The following CCDC73 variants were observed in gnomAD, a reference collection of about 807,000 sequenced individuals.
The protein encoded by CCDC73 is coiled-coil domain-containing protein 73.
In CCDC73, 95 loss-of-function variants were observed where a neutral mutation model predicts 116.5. The ratio of observed to expected loss-of-function variants is 0.82; its 90% CI spans 0.69 to 0.97. The LOEUF (loss-of-function observed/expected upper bound fraction) is 0.97. CCDC73 is among the 50% of genes least tolerant of loss of function. The pLI is 0.00. For synonymous variants in CCDC73, 398 were observed against 401.3 expected, an observed-to-expected ratio of 0.99 and a Z score of 0.10; for missense variants, 1,066 against 1,206.8, an observed-to-expected ratio of 0.88 and a Z score of 1.73.
At chr11:32,707,383 CTTTT>C (rs777844975) in intron 3 of CCDC73, among the ~76,000 whole-genome samples, 2 of 140,270 alleles carry the variant, frequency 1.4e-5, no homozygotes, top group African/African-American at 2.6e-5. Context: ...CTCGAAGTTA[CTTTT>C]TTTTTTTTTT....
intron 3 of CCDC73, among the ~76,000 whole-genome samples, chr11:32,705,161 C>T (rs563026583): frequency 2.6e-5 from 4 of 152,290 alleles, no homozygotes; most frequent in Admixed American, 6.5e-5. Context: ...GCCCAGGAGC[C>T]GCGGGCTGAA....
intron 2 of CCDC73, among the ~76,000 whole-genome samples, chr11:32,728,486 CTCCTGGTTCCTTTTACTAAGAG>C (rs1348679188): frequency 6.6e-6 from 1 of 151,994 alleles, no homozygotes; most frequent in African/African-American, 2.4e-5. Flanking sequence ...TAGGTCATGT[CTCCTGGTTCCTTTTACTAAGAG>C]TCCTGGTTCC....
At chr11:32,789,362 C>T (rs1850654842) in intron 1 of CCDC73, among the ~76,000 whole-genome samples, 1 of 152,052 alleles carries the variant, frequency 6.6e-6, no homozygotes, top group Admixed American at 6.6e-5. Context: ...AAGAAGAAAC[C>T]TAAATCCAAT....
At chr11:32,687,706 C>T (rs1856214927) in intron 6 of CCDC73, among the ~76,000 whole-genome samples, 1 of 151,974 alleles carries the variant, frequency 6.6e-6, no homozygotes, top group Admixed American at 6.6e-5. Flanking sequence ...GCTCTGTCGA[C>T]TGAGGGGGTG....
intron 3 of CCDC73, among the ~76,000 whole-genome samples, chr11:32,705,664 C>G (rs1459420598): frequency 6.6e-6 from 1 of 152,174 alleles, no homozygotes; most frequent in African/African-American, 2.4e-5. Context: ...AAAACTCAAG[C>G]AGAGGCACTG....
intron 14 of CCDC73, among the ~76,000 whole-genome samples, chr11:32,629,492 C>T (rs911748733): frequency 5.3e-5 from 8 of 151,850 alleles, no homozygotes; most frequent in Non-Finnish European, 1.0e-4. Flanking sequence ...ACTCCACCTC[C>T]CGGGTTCAAG....
chr11:32,749,840 G>A (rs979156242), intron 2 of CCDC73, among the ~76,000 whole-genome samples: 11 of 151,756 alleles, frequency 7.2e-5, no homozygotes, highest in Non-Finnish European at 4.4e-5. Context: ...GAATTACCAA[G>A]CAGGGACTCA....
intron 17 of CCDC73, among the ~76,000 whole-genome samples, chr11:32,609,946 A>AGT (rs1855404289): frequency 7.2e-6 from 1 of 138,578 alleles, no homozygotes; most frequent in African/African-American, 2.7e-5. Context: ...AGCCCAGCTA[A>AGT]TTTTTTTTTT....
At chr11:32,807,172 G>T in the CCDC73 span, among the ~76,000 whole-genome samples, 3 of 152,314 alleles carry the variant, frequency 2.0e-5, no homozygotes, top group South Asian at 6.2e-4. Flanking sequence ...ACTGCACTTT[G>T]GGTGTGACTG....
intron 14 of CCDC73, 31 bp downstream of exon 14, chr11:32,635,665 G>T: frequency 7.9e-7 from 1 of 1,261,200 alleles, no homozygotes; most frequent in South Asian, 2.5e-5. Context: ...TTCTTTGATA[G>T]TTTGTACCCC....
chr11:32,696,534 C>T (rs1264422705), intron 6 of CCDC73, among the ~76,000 whole-genome samples: 1 of 152,130 alleles, frequency 6.6e-6, no homozygotes. Context: ...TCAAGTGATT[C>T]TCCTACCTCA....
chr11:32,807,742 C>A, the CCDC73 span, among the ~76,000 whole-genome samples: 1 of 152,138 alleles, frequency 6.6e-6, no homozygotes, highest in Non-Finnish European at 1.5e-5. Flanking sequence ...CTCTGTCCTG[C>A]ACTGTAGCAA....
At chr11:32,746,745 C>T (rs892048911) in intron 2 of CCDC73, among the ~76,000 whole-genome samples, 4 of 152,122 alleles carry the variant, frequency 2.6e-5, no homozygotes, top group Middle Eastern at 3.2e-3. Context: ...GTATGCTTCA[C>T]GAAGTTCTCG....
chr11:32,675,684 T>A (rs377657351), intron 8 of CCDC73, 40 bp from the exon 9 acceptor site: 24 of 1,448,988 alleles, frequency 1.7e-5, no homozygotes, highest in Non-Finnish European at 2.3e-5. Flanking sequence ...TTATATTCAA[T>A]GTATATTTCA....
intron 6 of CCDC73, among the ~76,000 whole-genome samples, chr11:32,689,173 C>T (rs1856231678): frequency 6.6e-6 from 1 of 152,162 alleles, no homozygotes; most frequent in Admixed American, 6.6e-5. Context: ...AACAGAAAAA[C>T]CTAAACTTGG....
At chr11:32,754,492 A>C (rs1426949866) in intron 2 of CCDC73, among the ~76,000 whole-genome samples, 1 of 152,196 alleles carries the variant, frequency 6.6e-6, no homozygotes, top group African/African-American at 2.4e-5. Context: ...ATACTCAAAA[A>C]AACCACAGCT....
chr11:32,738,489 A>C (rs144997545), intron 2 of CCDC73, among the ~76,000 whole-genome samples: 1 of 152,144 alleles, frequency 6.6e-6, no homozygotes, highest in East Asian at 1.9e-4. Context: ...CCTGTGTGCG[A>C]TTTGTATGCC....
At chr11:32,821,504 A>G in the CCDC73 span, among the ~76,000 whole-genome samples, 1 of 152,192 alleles carries the variant, frequency 6.6e-6, no homozygotes. Context: ...TGTCTTACAA[A>G]GGCACAAATT....
At chr11:32,708,552 A>G (rs1354719626) in intron 3 of CCDC73, among the ~76,000 whole-genome samples, 1 of 152,110 alleles carries the variant, frequency 6.6e-6, no homozygotes, top group Non-Finnish European at 1.5e-5. Flanking sequence ...ATGTGTTTCC[A>G]TTTGTTTATG....
Sources: allele counts gnomAD v4.1 joint callset (sites outside exome capture counted in the v4.1 genomes callset), GRCh38; gene constraint gnomAD v4.1.1; transcripts MANE v1.5; gene names NCBI Gene and HGNC (gene_info 2026-07-23, HGNC 2026-07-21).